Variants in BPI observed in about 807,000 individuals in gnomAD.
BPI encodes bactericidal permeability-increasing protein.
In BPI, 48 loss-of-function variants were observed where a neutral mutation model predicts 57.6. The ratio of observed to expected loss-of-function variants is 0.83; its 90% CI spans 0.66 to 1.06. BPI has a LOEUF of 1.06. Ranked by LOEUF, BPI falls within the 50% of genes least tolerant of loss-of-function variation. The probability of loss-of-function intolerance (pLI) is 0.00; values close to 1 mark genes in which losing one functional copy is unlikely to be tolerated. For missense variants in BPI, 651 were observed against 609.7 expected (o/e 1.07, Z -0.71); for synonymous variants, 237 against 238.2 (o/e 0.99, Z 0.05).
In BPI at chr20:38,337,191, CA is replaced by C. The variant is rs1325548352; in HGVS notation, c.*8del. On this transcript the variant is annotated 3_prime_UTR_variant, in exon 15 of 15. Transcript: ENST00000642449. ...AGACGTTGTCTATAAATGAAGGCAC[CA>C]GGGGTGCCGGGGGCTGTCAGCCACA... 3 of 1,585,970 alleles carry C rather than the reference CA, an allele frequency of 1.9e-6. No individual in the cohort carries two copies. The highest frequency in any genetic ancestry group is 2.4e-5 in the East Asian group (1 of 42,042).
At chr20:38,326,120 TG>T in intron 9 of BPI, 144 bp from the exon 10 acceptor site, 1 of 868,356 alleles carries the variant, frequency 1.2e-6, no homozygotes, top group Non-Finnish European at 1.7e-6. Context: ...GGGTGCCAGC[TG>T]GCAGACTGTG....
At chr20:38,330,770 G>T (rs1281256472) in intron 11 of BPI, among the ~76,000 whole-genome samples, 2 of 152,196 alleles carry the variant, frequency 1.3e-5, no homozygotes, top group Non-Finnish European at 2.9e-5. Flanking sequence ...TAGGTCAGAG[G>T]TACATCCTTG....
At chr20:38,322,959 T>C (rs749652377) in intron 7 of BPI, among the ~76,000 whole-genome samples, 9 of 152,204 alleles carry the variant, frequency 5.9e-5, no homozygotes, top group Non-Finnish European at 8.8e-5. Context: ...GGAGGTTATG[T>C]TTGTTAATTT....
At position 38,327,574 on chromosome 20, in the gene BPI, T is replaced by G; in HGVS notation, c.1162-14T>G. On this transcript the variant is annotated splice_polypyrimidine_tract_variant and intron_variant, in intron 10 of 14. Transcript: ENST00000642449. ...TGGGTCAGGGCACTTCACCCTGGGT[T>G]GTTGTTTTGGCAGCACACAACTGGT... 6.2e-7 allele frequency: 1 copy of G among 1,612,614 alleles called. No homozygotes were observed.
Position 38,307,552 on chromosome 20 carries a change from G to A in BPI, c.131-15G>A. 6.3e-7 allele frequency: 1 copy of A among 1,591,396 alleles called. No individual in the cohort carries two copies. The highest frequency in any genetic ancestry group is 8.6e-7 in the Non-Finnish European group (1 of 1,168,210). ...GGCTGTGCCTCTCACTGTCACCCCTGCCTTCTCCCTTCAGCCAGCCAGCAG... is the reference window on the plus strand; with the variant it reads ...GGCTGTGCCTCTCACTGTCACCCCTACCTTCTCCCTTCAGCCAGCCAGCAG... On this transcript the variant is annotated splice_polypyrimidine_tract_variant and intron_variant, in intron 1 of 14. Transcript: ENST00000642449.
At position 38,306,703 on chromosome 20, in the gene BPI, G is replaced by T. The variant is rs530991605; in HGVS notation, c.131-864G>T. On this transcript the variant is annotated intron_variant, in intron 1 of 14. Coordinates refer to ENST00000642449, the MANE Select transcript of BPI (RefSeq NM_001725.3). ...GGGGAGACAGTCCAAAACCCAGAGA[G>T]GTGGGAGATCTGTGGGGGTGTAGCA... Among the ~76,000 whole-genome samples the T allele has an allele frequency of 2.1e-4, 32 of 152,268 alleles. No individual in the cohort carries two copies. In the South Asian group the frequency reaches 6.4e-3, roughly 31 times the overall value.
chr20:38,308,895 T>C, intron 2 of BPI, 35 bp from the exon 3 acceptor site: 2 of 1,613,282 alleles, frequency 1.2e-6, no homozygotes, highest in Non-Finnish European at 1.7e-6. Context: ...TAGGAGTATA[T>C]GAAATTATAT....
At chr20:38,322,650 G>C (rs2076692342) in intron 7 of BPI, among the ~76,000 whole-genome samples, 1 of 152,098 alleles carries the variant, frequency 6.6e-6, no homozygotes, top group Non-Finnish European at 1.5e-5. Flanking sequence ...TTGTCTTGTT[G>C]CCCAGGCTGG....
chr20:38,333,240 G>A (rs1165851829), intron 12 of BPI, among the ~76,000 whole-genome samples: 3 of 151,970 alleles, frequency 2.0e-5, no homozygotes, highest in South Asian at 2.1e-4. Context: ...TTCTACTTCT[G>A]TAGAAACTAG....
Position 38,334,439 on chromosome 20 carries a change from C to T in BPI, c.1282C>T (p.Leu428=), listed in dbSNP as rs1368125532. The change falls in exon 13 of 15, where the codon CTG becomes TTG. Residue 428 remains leucine, a synonymous_variant. Coordinates refer to ENST00000642449, the MANE Select transcript of BPI (RefSeq NM_001725.3). ...TCCCTCTGATTTCCAGGTTGAATTG[C>T]TGCAGGATATCATGAACTACATTGT... ...SNIGPFPVEL[L]QDIMNYIVPI... is the part of the protein sequence containing the mutation. 6.2e-7 allele frequency: 1 copy of T among 1,613,948 alleles called. No homozygotes were observed. Among genetic ancestry groups the T allele is most frequent in the Non-Finnish European group, 8.5e-7 (1 of 1,179,810 alleles).
intron 7 of BPI, among the ~76,000 whole-genome samples, chr20:38,320,789 C>T (rs2076677937): frequency 6.8e-6 from 1 of 147,240 alleles, no homozygotes; most frequent in South Asian, 2.1e-4. Flanking sequence ...TAGACCAATG[C>T]TTGGCACATA....
At chr20:38,322,295 C>G (rs2076690365) in intron 7 of BPI, among the ~76,000 whole-genome samples, 1 of 151,718 alleles carries the variant, frequency 6.6e-6, no homozygotes, top group Non-Finnish European at 1.5e-5. Flanking sequence ...AAATGGCATA[C>G]TAAGAAAAAA....
At chr20:38,324,656 A>G in intron 8 of BPI, 118 bp from the exon 9 acceptor site, 1 of 829,600 alleles carries the variant, frequency 1.2e-6, no homozygotes, top group Non-Finnish European at 2.1e-6. Flanking sequence ...CTGTTGTCAC[A>G]TAGGGGCTGG....
rs115475922 is a variant in BPI at position 38,315,011 on chromosome 20, G to A, written c.600+3074G>A. Among the ~76,000 whole-genome samples the A allele has an allele frequency of 5.8e-3, 876 of 152,196 alleles. 9 individuals are homozygous for A. The highest frequency in any genetic ancestry group is 0.02 in the African/African-American group (850 of 41,510). ...TGGTGATAGCGAGGTTGATGGTGAT[G>A]GTGATGGTGGGGATGGTGATGATGT... On this transcript the variant is annotated intron_variant, in intron 5 of 14. Transcript: ENST00000642449.
intron 11 of BPI, among the ~76,000 whole-genome samples, chr20:38,329,005 C>CTAAATAAATAGATAAATAAA (rs142025830): frequency 5.0e-4 from 68 of 134,940 alleles, no homozygotes; most frequent in African/African-American, 1.6e-3. Flanking sequence ...GACCCTGTCT[C>CTAAATAAATAGATAAATAAA]TAAATAAATA....
chr20:38,335,990 T>C (rs184922127), intron 14 of BPI, among the ~76,000 whole-genome samples: 62 of 152,318 alleles, frequency 4.1e-4, no homozygotes, highest in African/African-American at 1.4e-3. Context: ...TTTAAATATT[T>C]AACGAATATA....
chr20:38,317,602 G>A (rs994044114), intron 5 of BPI: 1 of 715,662 alleles, frequency 1.4e-6, no homozygotes. Flanking sequence ...GTTACACAAA[G>A]GTCAGGTGTA....
intron 7 of BPI, among the ~76,000 whole-genome samples, chr20:38,322,208 CA>C (rs2076689881): frequency 6.6e-6 from 1 of 152,076 alleles, no homozygotes; most frequent in Non-Finnish European, 1.5e-5. Flanking sequence ...CAAACGTAAC[CA>C]AAGCTGCAGT....
chr20:38,334,290 C>T (rs545082508), intron 12 of BPI, 140 bp from the exon 13 acceptor site: 2 of 788,126 alleles, frequency 2.5e-6, no homozygotes, highest in South Asian at 3.1e-5. Flanking sequence ...GCGTCCACCT[C>T]TCAGCAGTTT....
Sources: allele counts gnomAD v4.1 joint callset (sites outside exome capture counted in the v4.1 genomes callset), GRCh38; gene constraint gnomAD v4.1.1; transcripts MANE v1.5; gene names NCBI Gene and HGNC (gene_info 2026-07-23, HGNC 2026-07-21).